SGCD: variants seen among roughly 807,000 people sequenced by gnomAD.
SGCD encodes the protein delta-sarcoglycan.
A neutral mutation model predicts 36.6 loss-of-function variants in SGCD; 18 were observed. The ratio of observed to expected loss-of-function variants is 0.49; its 90% CI spans 0.34 to 0.73. The LOEUF is 0.73. Ranked by LOEUF, SGCD falls within the 30% of genes least tolerant of loss-of-function variation. The pLI is 0.01. For missense variants in SGCD, 387 were observed against 346.7 expected (o/e 1.12, Z -0.92); for synonymous variants, 133 against 130.6 (o/e 1.02, Z -0.12).
chr5:156,293,590 A>G lies in SGCD; in HGVS notation c.-43-35944A>G, dbSNP rs555507297. On this transcript the variant is annotated intron_variant, in intron 3 of 9. Coordinates refer to the SGCD transcript ENST00000517913. ...TTGAAATGATTATATCTTCCCTATT[A>G]AATGATATTGAAACCTTTGTCAAAA... Among the ~76,000 whole-genome samples, 71 of 152,272 alleles carry G rather than the reference A, an allele frequency of 4.7e-4. 1 individual carries two copies. The highest frequency in any genetic ancestry group is 1.6e-3 in the African/African-American group (68 of 41,570).
chr5:156,565,173 A>G (rs1759427107), intron 4 of SGCD, among the ~76,000 whole-genome samples: 1 of 152,204 alleles, frequency 6.6e-6, no homozygotes, highest in African/African-American at 2.4e-5. Flanking sequence ...CTCATGTATA[A>G]TGTTTCATTT....
chr5:156,541,861 C>T (rs1165540843), intron 4 of SGCD, among the ~76,000 whole-genome samples: 2 of 152,172 alleles, frequency 1.3e-5, no homozygotes, highest in Non-Finnish European at 1.5e-5. Flanking sequence ...AGGAACCAGA[C>T]ATTGAGACTG....
intron 7 of SGCD, among the ~76,000 whole-genome samples, chr5:156,730,728 G>A (rs1418205188): frequency 6.6e-6 from 1 of 152,038 alleles, no homozygotes; most frequent in Non-Finnish European, 1.5e-5. Context: ...ATATTCCTGT[G>A]GGTATATACC....
intron 1 of SGCD, among the ~76,000 whole-genome samples, chr5:156,046,642 A>G (rs1759772037): frequency 6.6e-6 from 1 of 152,266 alleles, no homozygotes; most frequent in East Asian, 1.9e-4. Context: ...TGCCAATATA[A>G]GACGGTGAAC....
chr5:156,049,625 T>C (rs1284970324), intron 1 of SGCD, among the ~76,000 whole-genome samples: 3 of 146,594 alleles, frequency 2.0e-5, no homozygotes, highest in African/African-American at 7.4e-5. Flanking sequence ...GAAATATATT[T>C]TGTAAGTCTA....
At chr5:156,479,918 C>T (rs1256834255) in intron 3 of SGCD, among the ~76,000 whole-genome samples, 1 of 152,126 alleles carries the variant, frequency 6.6e-6, no homozygotes, top group African/African-American at 2.4e-5. Context: ...TGAATATATG[C>T]AGTTGCTACA....
chr5:155,789,186 C>T, the SGCD span, among the ~76,000 whole-genome samples: 1 of 151,994 alleles, frequency 6.6e-6, no homozygotes. Context: ...GATACACGGT[C>T]GTGTTGCTTA....
chr5:156,254,373 G>A (rs771253770), intron 3 of SGCD, among the ~76,000 whole-genome samples: 3 of 151,988 alleles, frequency 2.0e-5, no homozygotes, highest in Non-Finnish European at 2.9e-5. Context: ...ATCCCTCCCC[G>A]CTCCCCTGGG....
the SGCD span, among the ~76,000 whole-genome samples, chr5:155,848,689 A>G: frequency 2.6e-5 from 4 of 152,294 alleles, no homozygotes; most frequent in South Asian, 2.1e-4. Context: ...CTATTGTTAT[A>G]TAGCTTTCCC....
rs1025361197 is a variant in SGCD, at chr5:156,086,368, G to A, written c.-281-31510G>A. ...AAGACAAATAACAGGTATGAGTGCAGTGGGAGGGCAGTGACTTATTGCAGA... is the reference window on the plus strand; with the variant it reads ...AAGACAAATAACAGGTATGAGTGCAATGGGAGGGCAGTGACTTATTGCAGA... On this transcript the variant is annotated intron_variant, in intron 1 of 9. Transcript: ENST00000517913. Among the ~76,000 whole-genome samples the A allele has an allele frequency of 3.3e-5, 5 of 152,244 alleles. 1 individual carries two copies. Among genetic ancestry groups the A allele is most frequent in the African/African-American group, 9.6e-5 (4 of 41,468 alleles).
At chr5:156,499,754 A>G (rs919552718) in intron 3 of SGCD, among the ~76,000 whole-genome samples, 2 of 152,202 alleles carry the variant, frequency 1.3e-5, no homozygotes, top group Non-Finnish European at 2.9e-5. Context: ...GAAGTGTGCT[A>G]AAGATTATAT....
At chr5:156,247,275 T>G (rs1347015358) in intron 3 of SGCD, among the ~76,000 whole-genome samples, 2 of 152,214 alleles carry the variant, frequency 1.3e-5, no homozygotes, top group Non-Finnish European at 2.9e-5. Flanking sequence ...TTGAGAAAGC[T>G]TCCCGTTTTT....
intron 4 of SGCD, among the ~76,000 whole-genome samples, chr5:156,570,287 C>G (rs1397930281): frequency 6.6e-6 from 1 of 151,938 alleles, no homozygotes; most frequent in African/African-American, 2.4e-5. Context: ...TTGAAAATAA[C>G]GTAGATTCTC....
chr5:156,078,579 T>TTA (rs35525705), intron 1 of SGCD, among the ~76,000 whole-genome samples: 58,550 of 136,438 alleles, frequency 0.43, 14,078 homozygotes, highest in African/African-American at 0.68. Context: ...ATATTTATAT[T>TTA]TATATATATT....
chr5:156,011,091 G>A (rs905157092), intron 1 of SGCD, among the ~76,000 whole-genome samples: 5 of 152,004 alleles, frequency 3.3e-5, no homozygotes, highest in African/African-American at 4.8e-5. Context: ...AGACACATAC[G>A]GAAATATAGG....
intron 3 of SGCD, among the ~76,000 whole-genome samples, chr5:156,408,724 T>C (rs1561676559): frequency 6.6e-6 from 1 of 152,208 alleles, no homozygotes; most frequent in Non-Finnish European, 1.5e-5. Context: ...GTCCCCTTTT[T>C]CCTCTGTCTT....
At chr5:155,844,779 T>G in the SGCD span, among the ~76,000 whole-genome samples, 2 of 152,178 alleles carry the variant, frequency 1.3e-5, no homozygotes, top group Non-Finnish European at 2.9e-5. Flanking sequence ...AACAGTAGTA[T>G]ATGAAGCGGT....
In SGCD at chr5:155,889,275, A is replaced by AT. The variant is rs571633137; in HGVS notation, c.-282+18853dup. On this transcript the variant is annotated intron_variant, in intron 1 of 9. Coordinates refer to the SGCD transcript ENST00000517913. ...ACCTCATATGATAGATTTAAAAAAA[A>AT]TTCAAAAAAATGATTTTTTTTCTCA... is the stretch of plus-strand genomic sequence containing the variant. 2.8e-3 allele frequency among the ~76,000 whole-genome samples: 419 copies of AT among 152,330 alleles called. 2 individuals are homozygous for AT. The highest frequency in any genetic ancestry group is 4.3e-3 in the Non-Finnish European group (295 of 68,018).
At chr5:156,188,013 T>G (rs1763803712) in intron 3 of SGCD, among the ~76,000 whole-genome samples, 1 of 152,070 alleles carries the variant, frequency 6.6e-6, no homozygotes, top group Non-Finnish European at 1.5e-5. Flanking sequence ...GTGCCTAGGG[T>G]GCAGAATTCA....
Sources: gnomAD v4.1 joint callset for allele counts (sites outside exome capture counted in the v4.1 genomes callset) on GRCh38, gnomAD v4.1.1 for gene constraint, MANE v1.5 for transcripts, NCBI Gene and HGNC (gene_info 2026-07-23, HGNC 2026-07-21) for gene names.